SLC35F1: variants seen among roughly 807,000 people sequenced by gnomAD.
The protein encoded by SLC35F1 is chromosome 6 open reading frame 169.
Under a neutral mutation model 48.7 loss-of-function variants are expected in SLC35F1, and 14 were observed. The observed-to-expected ratio is 0.29, with a 90% confidence interval of 0.19 to 0.45. SLC35F1 has a LOEUF of 0.45. Among genes scored for constraint, SLC35F1 ranks in the 20% least tolerant of loss-of-function variants. SLC35F1 has a pLI of 1.00. For synonymous variants in SLC35F1, 190 were observed against 202.2 expected, an observed-to-expected ratio of 0.94 and a Z score of 0.51; for missense variants, 404 against 500.0, an observed-to-expected ratio of 0.81 and a Z score of 1.83.
intron 1 of SLC35F1, among the ~76,000 whole-genome samples, chr6:117,985,283 G>A (rs1017077592): frequency 6.6e-6 from 1 of 152,188 alleles, no homozygotes; most frequent in South Asian, 2.1e-4. Flanking sequence ...AGTCAAATTA[G>A]CCCCTTGAAT....
chr6:117,977,863 T>A (rs1209161592), intron 1 of SLC35F1, among the ~76,000 whole-genome samples: 1 of 152,150 alleles, frequency 6.6e-6, no homozygotes, highest in Non-Finnish European at 1.5e-5. Flanking sequence ...AGGGAAAGAT[T>A]TTCAGAGGCA....
intron 1 of SLC35F1, among the ~76,000 whole-genome samples, chr6:118,008,350 G>A (rs1332685399): frequency 6.6e-6 from 1 of 152,110 alleles, no homozygotes; most frequent in East Asian, 1.9e-4. Context: ...AGAAGATTAT[G>A]TAGGGTGTGC....
chr6:118,170,517 G>A (rs1443764050), intron 2 of SLC35F1, among the ~76,000 whole-genome samples: 2 of 152,168 alleles, frequency 1.3e-5, no homozygotes, highest in Non-Finnish European at 2.9e-5. Context: ...TGGACTCACT[G>A]CAGCCTTTGC....
chr6:118,009,119 G>A (rs1043773900), intron 1 of SLC35F1, among the ~76,000 whole-genome samples: 2 of 152,064 alleles, frequency 1.3e-5, no homozygotes, highest in African/African-American at 4.8e-5. Context: ...TTGGTGTGTC[G>A]AATTATTCAT....
At chr6:118,125,407 G>A (rs181119472) in intron 1 of SLC35F1, among the ~76,000 whole-genome samples, 4 of 151,716 alleles carry the variant, frequency 2.6e-5, no homozygotes, top group East Asian at 1.9e-4. Context: ...TACTATAGAC[G>A]TAGGTTGACA....
chr6:118,104,591 T>G (rs143105655), intron 1 of SLC35F1, among the ~76,000 whole-genome samples: 1 of 152,288 alleles, frequency 6.6e-6, no homozygotes, highest in South Asian at 2.1e-4. Flanking sequence ...AGAAGTTATA[T>G]CATAACCAAA....
chr6:117,966,135 C>CG (rs1554219365), intron 1 of SLC35F1, among the ~76,000 whole-genome samples: 1 of 60,750 alleles, frequency 1.6e-5, no homozygotes, highest in South Asian at 7.9e-4. Flanking sequence ...GCCACCGCCC[C>CG]CCCCCCCACT....
intron 1 of SLC35F1, among the ~76,000 whole-genome samples, chr6:118,058,424 C>A (rs1166777054): frequency 6.6e-6 from 1 of 152,084 alleles, no homozygotes; most frequent in Non-Finnish European, 1.5e-5. Flanking sequence ...ACATTTGTTT[C>A]TCAGAGTCCC....
chr6:117,921,399 T>G (rs1261260537), intron 1 of SLC35F1, among the ~76,000 whole-genome samples: 1 of 152,264 alleles, frequency 6.6e-6, no homozygotes, highest in Non-Finnish European at 1.5e-5. Context: ...TTATAACACT[T>G]CAGTTCCAGG....
At chr6:118,150,340 C>T (rs749512019) in intron 1 of SLC35F1, among the ~76,000 whole-genome samples, 5 of 152,132 alleles carry the variant, frequency 3.3e-5, no homozygotes, top group Non-Finnish European at 7.3e-5. Context: ...TCCCCAGTGA[C>T]AAGGACTGTG....
At chr6:118,041,376 C>A (rs531654503) in intron 1 of SLC35F1, among the ~76,000 whole-genome samples, 16 of 152,076 alleles carry the variant, frequency 1.1e-4, no homozygotes, top group Non-Finnish European at 2.2e-4. Flanking sequence ...TCCAACCCTC[C>A]TATAAAATTT....
At position 118,317,013 on chromosome 6, in the gene SLC35F1, T is replaced by C. The variant is rs919272623; in HGVS notation, c.*2761T>C. 10 of 152,674 alleles carry C rather than the reference T, an allele frequency of 6.5e-5. No homozygotes were observed. Among genetic ancestry groups the C allele is most frequent in the Non-Finnish European group, 1.5e-4 (10 of 68,042 alleles). 9.5% of individuals were successfully genotyped at this position (152,674 alleles called of 1,614,324 possible). A position where few individuals can be genotyped will look rare whatever the true frequency, so the allele number is the denominator to read the frequency against. ...AATGGGAGTAGGACAACATTAACTTTAGCTGTTTTAGTTTCTGAGATTTCA... is the reference window on the plus strand; with the variant it reads ...AATGGGAGTAGGACAACATTAACTTCAGCTGTTTTAGTTTCTGAGATTTCA... On this transcript the variant is annotated 3_prime_UTR_variant, in exon 8 of 8. Coordinates refer to ENST00000360388, the MANE Select transcript of SLC35F1 (RefSeq NM_001029858.4).
At chr6:117,921,476 G>C (rs1362407782) in intron 1 of SLC35F1, among the ~76,000 whole-genome samples, 1 of 152,186 alleles carries the variant, frequency 6.6e-6, no homozygotes, top group Admixed American at 6.5e-5. Context: ...CAGTTTGTGT[G>C]ATTTTAGTGC....
intron 2 of SLC35F1, among the ~76,000 whole-genome samples, chr6:118,166,910 T>C (rs1391422481): frequency 6.6e-6 from 1 of 152,166 alleles, no homozygotes; most frequent in Non-Finnish European, 1.5e-5. Flanking sequence ...AGTTTTATAC[T>C]TTTAGTTCTG....
intron 1 of SLC35F1, chr6:117,999,268 C>A (rs759186378): frequency 1.3e-6 from 2 of 1,595,830 alleles, no homozygotes; most frequent in African/African-American, 1.3e-5. Context: ...GACATGCCTA[C>A]GTTGCCCACC....
intron 3 of SLC35F1, among the ~76,000 whole-genome samples, chr6:118,244,035 A>C (rs570628694): frequency 6.6e-6 from 1 of 152,332 alleles, no homozygotes; most frequent in South Asian, 2.1e-4. Flanking sequence ...AATTTGTAGC[A>C]CTTCAAATCT....
intron 1 of SLC35F1, among the ~76,000 whole-genome samples, chr6:117,994,211 A>AT (rs1343409435): frequency 3.4e-5 from 5 of 145,386 alleles, no homozygotes; most frequent in Non-Finnish European, 7.6e-5. Context: ...TGCCCCCCCC[A>AT]TCCTCAACAG....
chr6:117,923,763 G>GTATATGTACATATATGTA lies in SLC35F1; in HGVS notation c.173+15864_173+15865insTATATGTACATATATGTA, dbSNP rs1775969946. 4.4e-4 allele frequency among the ~76,000 whole-genome samples: 8 copies of GTATATGTACATATATGTA among 18,078 alleles called. 1 individual carries two copies. Among genetic ancestry groups the GTATATGTACATATATGTA allele is most frequent in the Non-Finnish European group, 7.6e-4 (8 of 10,544 alleles). 11.9% of individuals were successfully genotyped at this position (18,078 alleles called of 152,430 possible). Reference sequence around the variant, plus strand: ...TACATATATGTACATATATACATATGCACATACATATGTATATATACATAT... The same window carrying GTATATGTACATATATGTA: ...TACATATATGTACATATATACATATGTATATGTACATATATGTACACATACATATGTATATATACATAT... On this transcript the variant is annotated intron_variant, in intron 1 of 7. Transcript: ENST00000360388.
intron 6 of SLC35F1, 100 bp downstream of exon 6, chr6:118,277,646 G>A: frequency 1.0e-6 from 1 of 993,562 alleles, no homozygotes; most frequent in Non-Finnish European, 1.6e-6. Flanking sequence ...AGGGGATTTA[G>A]AGTGGTAGGG....
Sources: gnomAD v4.1 joint callset for allele counts (sites outside exome capture counted in the v4.1 genomes callset) on GRCh38, gnomAD v4.1.1 for gene constraint, MANE v1.5 for transcripts, NCBI Gene and HGNC (gene_info 2026-07-23, HGNC 2026-07-21) for gene names.